Variants in CHST9 observed in about 807,000 individuals in gnomAD.
CHST9 encodes the protein GalNAc-4-sulfotransferase 2.
Under a neutral mutation model 44.4 loss-of-function variants are expected in CHST9, and 41 were observed. The observed-to-expected ratio is 0.92, with a 90% confidence interval of 0.72 to 1.20. The LOEUF (loss-of-function observed/expected upper bound fraction) is 1.20, where lower values mean the gene tolerates loss of function less well. CHST9 is among the 50% of genes most tolerant of loss of function. The pLI is 0.00. For missense variants in CHST9, 504 were observed against 516.5 expected, an observed-to-expected ratio of 0.98 and a Z score of 0.23; for synonymous variants, 171 against 178.4, an observed-to-expected ratio of 0.96 and a Z score of 0.33.
At chr18:26,993,682 A>C (rs2056851394) in intron 4 of CHST9, among the ~76,000 whole-genome samples, 1 of 152,268 alleles carries the variant, frequency 6.6e-6, no homozygotes, top group African/African-American at 2.4e-5. Flanking sequence ...AATCTTAAAA[A>C]TAAAAGAGTT....
chr18:27,167,291 G>T (rs574776003), intron 1 of CHST9, among the ~76,000 whole-genome samples: 1 of 152,290 alleles, frequency 6.6e-6, no homozygotes, highest in South Asian at 2.1e-4. Flanking sequence ...TCTTACGTCT[G>T]CCTTTCTAGG....
intron 4 of CHST9, among the ~76,000 whole-genome samples, chr18:26,998,767 A>G (rs1026092491): frequency 6.6e-6 from 1 of 152,046 alleles, no homozygotes; most frequent in African/African-American, 2.4e-5. Context: ...AAAGAAAGAA[A>G]AAAAGAAATC....
chr18:26,964,954 T>C (rs1568112190), intron 4 of CHST9, among the ~76,000 whole-genome samples: 1 of 152,124 alleles, frequency 6.6e-6, no homozygotes, highest in Non-Finnish European at 1.5e-5. Context: ...AGAAGGAAGG[T>C]CAGATGGCGA....
At chr18:27,168,077 A>ATTTTT (rs55651220) in intron 1 of CHST9, among the ~76,000 whole-genome samples, 1 of 140,146 alleles carries the variant, frequency 7.1e-6, no homozygotes, top group Non-Finnish European at 1.5e-5. Flanking sequence ...GATTATACCT[A>ATTTTT]TTTTTTTTTT....
At chr18:27,053,197 A>AAG in intron 2 of CHST9, among the ~76,000 whole-genome samples, 1 of 95,496 alleles carries the variant, frequency 1.0e-5, no homozygotes, top group Admixed American at 1.1e-4. Context: ...AGAAGAAGAA[A>AAG]GAACAAGAAG....
At chr18:27,133,251 CA>C (rs1389145851) in intron 2 of CHST9, among the ~76,000 whole-genome samples, 24 of 152,262 alleles carry the variant, frequency 1.6e-4, no homozygotes, top group Admixed American at 1.4e-3. Flanking sequence ...GTTGGGAGAA[CA>C]AACACATTCA....
At chr18:27,075,614 C>T (rs889766815) in intron 2 of CHST9, among the ~76,000 whole-genome samples, 1 of 152,146 alleles carries the variant, frequency 6.6e-6, no homozygotes, top group Non-Finnish European at 1.5e-5. Context: ...GTACCAGAAA[C>T]ACTTTGTTTT....
chr18:27,142,836 C>G lies in CHST9; in HGVS notation c.-27G>C. The G allele has an allele frequency of 6.4e-7, 1 of 1,570,978 alleles. No homozygotes were observed. Among genetic ancestry groups the G allele is most frequent in the East Asian group, 2.3e-5 (1 of 43,670 alleles). On this transcript the variant is annotated 5_prime_UTR_variant, in exon 2 of 6. Transcript: ENST00000618847. Reference sequence around the variant, plus strand: ...TCTCCTTATTTCAGAATCTGAAGACCACATGATTTGTTTTCCCGTAAAACT... The same window carrying G: ...TCTCCTTATTTCAGAATCTGAAGACGACATGATTTGTTTTCCCGTAAAACT...
chr18:27,139,504 T>C (rs528143092), intron 2 of CHST9, among the ~76,000 whole-genome samples: 1 of 151,862 alleles, frequency 6.6e-6, no homozygotes, highest in Admixed American at 6.6e-5. Flanking sequence ...CACACACATA[T>C]ATATATATAT....
At chr18:26,985,299 C>T (rs993563658) in intron 4 of CHST9, among the ~76,000 whole-genome samples, 3 of 152,170 alleles carry the variant, frequency 2.0e-5, no homozygotes, top group Admixed American at 6.5e-5. Flanking sequence ...TGAGAAGAGA[C>T]TTTTGCTTCT....
chr18:27,015,041 T>A (rs868256215), intron 4 of CHST9, among the ~76,000 whole-genome samples: 15 of 152,220 alleles, frequency 9.9e-5, no homozygotes, highest in African/African-American at 3.6e-4. Context: ...ATTTACTTCA[T>A]GAATACTTGT....
At chr18:27,088,635 G>A (rs556240421) in intron 2 of CHST9, among the ~76,000 whole-genome samples, 210 of 151,972 alleles carry the variant, frequency 1.4e-3, no homozygotes, top group African/African-American at 4.6e-3. Context: ...CTCGTGATCT[G>A]CCCGCCTCAG....
intron 2 of CHST9, among the ~76,000 whole-genome samples, chr18:27,094,207 T>C (rs2058095267): frequency 6.6e-6 from 1 of 152,192 alleles, no homozygotes; most frequent in Admixed American, 6.5e-5. Flanking sequence ...CATAAAACAC[T>C]GAGACATCTT....
intron 5 of CHST9, among the ~76,000 whole-genome samples, chr18:26,919,493 A>G (rs1472216485): frequency 6.6e-6 from 1 of 152,326 alleles, no homozygotes; most frequent in East Asian, 1.9e-4. Context: ...TAAAACTGCC[A>G]TGATATTTAT....
chr18:27,128,370 A>G (rs1321095499), intron 2 of CHST9, among the ~76,000 whole-genome samples: 1 of 152,172 alleles, frequency 6.6e-6, no homozygotes, highest in African/African-American at 2.4e-5. Flanking sequence ...CCCAGGTTCA[A>G]GCAATGCTCC....
chr18:27,100,938 G>T (rs2058165432), intron 2 of CHST9, among the ~76,000 whole-genome samples: 1 of 152,194 alleles, frequency 6.6e-6, no homozygotes, highest in South Asian at 2.1e-4. Context: ...AGAGGAGATT[G>T]TTGCAGCCAA....
At chr18:27,086,708 T>TA (rs1220493760) in intron 2 of CHST9, among the ~76,000 whole-genome samples, 1 of 152,142 alleles carries the variant, frequency 6.6e-6, no homozygotes, top group Non-Finnish European at 1.5e-5. Context: ...ATAATTACTT[T>TA]AAAAAAACAC....
intron 1 of CHST9, among the ~76,000 whole-genome samples, chr18:27,153,778 C>A (rs2143905642): frequency 6.6e-6 from 1 of 152,150 alleles, no homozygotes; most frequent in Non-Finnish European, 1.5e-5. Context: ...ACCATTCAAC[C>A]CACTACACCA....
At chr18:27,148,088 AC>A (rs1166290417) in intron 1 of CHST9, among the ~76,000 whole-genome samples, 1 of 151,968 alleles carries the variant, frequency 6.6e-6, no homozygotes, top group East Asian at 1.9e-4. Context: ...ATCATTGAGC[AC>A]CTACTTATAA....
Sources: allele counts gnomAD v4.1 joint callset (sites outside exome capture counted in the v4.1 genomes callset), GRCh38; gene constraint gnomAD v4.1.1; transcripts MANE v1.5; gene names NCBI Gene and HGNC (gene_info 2026-07-23, HGNC 2026-07-21).